The following UMAD1 variants were observed in gnomAD, a reference collection of about 807,000 sequenced individuals.
The protein encoded by UMAD1 is UBAP1-MVB12-associated (UMA)-domain containing protein 1.
A neutral mutation model predicts 6.1 loss-of-function variants in UMAD1; 8 were observed. That is an observed-to-expected ratio of 1.30 (90% CI 0.76 to 2.35). UMAD1 has a LOEUF of 2.35. UMAD1 is among the 30% of genes most tolerant of loss of function. UMAD1 has a pLI of 0.00. For synonymous variants in UMAD1, 56 were observed against 31.4 expected, an observed-to-expected ratio of 1.78 and a Z score of -2.61; for missense variants, 130 against 78.4, an observed-to-expected ratio of 1.66 and a Z score of -2.49.
intron 3 of UMAD1, among the ~76,000 whole-genome samples, chr7:7,819,853 A>G (rs972754531): frequency 3.9e-5 from 6 of 152,188 alleles, no homozygotes; most frequent in African/African-American, 1.4e-4. Context: ...TATTTCACCA[A>G]ATATTTCTTA....
chr7:7,712,862 G>T (rs1246349331), intron 2 of UMAD1, among the ~76,000 whole-genome samples: 1 of 152,102 alleles, frequency 6.6e-6, no homozygotes, highest in Non-Finnish European at 1.5e-5. Context: ...AACATAATAG[G>T]CATAGAGTGT....
At chr7:7,694,706 A>G (rs1046731555) in intron 2 of UMAD1, among the ~76,000 whole-genome samples, 1 of 152,154 alleles carries the variant, frequency 6.6e-6, no homozygotes. Context: ...GTTGTTGTAA[A>G]TGACAGGATC....
At chr7:7,764,138 A>G (rs1215376661) in intron 2 of UMAD1, among the ~76,000 whole-genome samples, 1 of 152,196 alleles carries the variant, frequency 6.6e-6, no homozygotes, top group Non-Finnish European at 1.5e-5. Context: ...ACAGCAAAGC[A>G]GATATGAGGT....
chr7:7,689,785 T>A (rs919223844), intron 2 of UMAD1, among the ~76,000 whole-genome samples: 1 of 152,150 alleles, frequency 6.6e-6, no homozygotes, highest in African/African-American at 2.4e-5. Flanking sequence ...AAGTAAACAT[T>A]TTGAATGGTA....
intron 3 of UMAD1, among the ~76,000 whole-genome samples, chr7:7,811,662 C>T (rs984127486): frequency 6.6e-6 from 1 of 152,086 alleles, no homozygotes; most frequent in Non-Finnish European, 1.5e-5. Flanking sequence ...AAAATGCCAA[C>T]CTTTAAAATA....
chr7:7,657,066 G>C (rs995888302), intron 1 of UMAD1, among the ~76,000 whole-genome samples: 1 of 152,196 alleles, frequency 6.6e-6, no homozygotes, highest in African/African-American at 2.4e-5. Flanking sequence ...CTAATGACCA[G>C]TGATGATGAG....
intron 2 of UMAD1, among the ~76,000 whole-genome samples, chr7:7,698,885 T>G (rs1161764210): frequency 6.6e-6 from 1 of 151,626 alleles, no homozygotes; most frequent in Non-Finnish European, 1.5e-5. Context: ...TTTTTTTTTT[T>G]TTTGAGACAG....
chr7:7,810,044 G>A (rs1445664281), intron 3 of UMAD1, among the ~76,000 whole-genome samples: 2 of 152,004 alleles, frequency 1.3e-5, no homozygotes, highest in African/African-American at 2.4e-5. Flanking sequence ...GGAGACTGGA[G>A]GGGGAGATTT....
chr7:7,860,565 C>G (rs1192427405), intron 3 of UMAD1, among the ~76,000 whole-genome samples: 3 of 141,304 alleles, frequency 2.1e-5, no homozygotes, highest in African/African-American at 7.8e-5. Context: ...TAGAGACCAT[C>G]CTGGCTAACA....
chr7:7,847,103 AAATATATATATATATATATATATAT>A (rs1315795777), intron 3 of UMAD1, among the ~76,000 whole-genome samples: 2,564 of 20,770 alleles, frequency 0.12, 381 homozygotes, highest in Non-Finnish European at 0.15. Flanking sequence ...AAAAAAAAAA[AAATATATATATATATATATATATAT>A]ATATATATAT....
chr7:7,772,860 C>T (rs577936113), intron 2 of UMAD1, among the ~76,000 whole-genome samples: 1 of 152,258 alleles, frequency 6.6e-6, no homozygotes, highest in East Asian at 1.9e-4. Flanking sequence ...TTAAGAAAAA[C>T]TGTGTGAAAG....
At chr7:7,832,737 A>G (rs866867656) in intron 3 of UMAD1, among the ~76,000 whole-genome samples, 3 of 152,212 alleles carry the variant, frequency 2.0e-5, no homozygotes, top group Non-Finnish European at 4.4e-5. Flanking sequence ...ACAGTTGTTA[A>G]CTTCTAGGAT....
chr7:7,812,967 T>C (rs568158366), intron 3 of UMAD1, among the ~76,000 whole-genome samples: 2 of 152,186 alleles, frequency 1.3e-5, no homozygotes, highest in Non-Finnish European at 2.9e-5. Flanking sequence ...TCTTGAAGGA[T>C]AAATTTCATC....
At chr7:7,850,386 G>A (rs769813003) in intron 3 of UMAD1, among the ~76,000 whole-genome samples, 1 of 151,960 alleles carries the variant, frequency 6.6e-6, no homozygotes, top group Non-Finnish European at 1.5e-5. Context: ...AACAAGCTAA[G>A]CTCTTTCTCA....
chr7:7,863,569 G>GTGTTT (rs1166005135), intron 3 of UMAD1, among the ~76,000 whole-genome samples: 4 of 151,924 alleles, frequency 2.6e-5, no homozygotes, highest in Non-Finnish European at 5.9e-5. Context: ...TTTTTGTTTT[G>GTGTTT]TGTTTTGTTT....
At chr7:7,858,230 G>A (rs192404804) in intron 3 of UMAD1, among the ~76,000 whole-genome samples, 1 of 152,310 alleles carries the variant, frequency 6.6e-6, no homozygotes, top group East Asian at 1.9e-4. Context: ...CCGATTTGAT[G>A]TAAAGTTAAT....
intron 3 of UMAD1, among the ~76,000 whole-genome samples, chr7:7,854,826 G>A (rs150627459): frequency 6.6e-6 from 1 of 152,112 alleles, no homozygotes; most frequent in African/African-American, 2.4e-5. Flanking sequence ...CTAAAGCAAG[G>A]CAAATCCCTT....
At chr7:7,651,046 C>T (rs948470444) in intron 1 of UMAD1, among the ~76,000 whole-genome samples, 1 of 152,032 alleles carries the variant, frequency 6.6e-6, no homozygotes, top group African/African-American at 2.4e-5. Flanking sequence ...CCCTCTGTAG[C>T]CAAAGAGAAA....
chr7:7,854,575 C>T (rs1783980004), intron 3 of UMAD1, among the ~76,000 whole-genome samples: 2 of 152,092 alleles, frequency 1.3e-5, no homozygotes, highest in South Asian at 2.1e-4. Context: ...GGAAACCACC[C>T]CCATGATTCA....
Sources: gnomAD v4.1 joint callset for allele counts (sites outside exome capture counted in the v4.1 genomes callset) on GRCh38, gnomAD v4.1.1 for gene constraint, MANE v1.5 for transcripts, NCBI Gene and HGNC (gene_info 2026-07-23, HGNC 2026-07-21) for gene names.